CENPP: variants seen among roughly 807,000 people sequenced by gnomAD.
CENPP encodes the protein centromere protein P.
A neutral mutation model predicts 35.6 loss-of-function variants in CENPP; 24 were observed. The ratio of observed to expected loss-of-function variants is 0.67; its 90% CI spans 0.49 to 0.95. CENPP has a LOEUF of 0.95. Ranked by LOEUF, CENPP falls within the 40% of genes least tolerant of loss-of-function variation. The pLI is 0.00. For synonymous variants in CENPP, 120 were observed against 125.5 expected, an observed-to-expected ratio of 0.96 and a Z score of 0.29; for missense variants, 332 against 345.3, an observed-to-expected ratio of 0.96 and a Z score of 0.31.
Position 92,593,612 on chromosome 9 carries a change from G to GT in CENPP, c.565-17698dup, listed in dbSNP as rs1439032442. On this transcript the variant is annotated intron_variant, in intron 5 of 7. Transcript: ENST00000375587. The surrounding 1 kb of genome is among the most constrained non-coding windows in gnomAD (Gnocchi z 4.1). ...GCTACTCTTCTGTTATCTGTTTTGA[G>GT]TTTTAAGTCAAGCCCATAATAAGCT... Among the ~76,000 whole-genome samples, 1 of 152,192 alleles carries GT rather than the reference G, an allele frequency of 6.6e-6. No homozygotes were observed. The highest frequency in any genetic ancestry group is 2.4e-5 in the African/African-American group (1 of 41,444).
In CENPP at chr9:92,510,982, C is replaced by T. The variant is rs1209156185; in HGVS notation, c.565-100332C>T. On this transcript the variant is annotated intron_variant, in intron 5 of 7. Transcript: ENST00000375587. ...AAGAGTGGGTGGAAGACCCAGAAGACTGCCCAAGGGAGTAACAGTTTCACT... is the reference window on the plus strand; with the variant it reads ...AAGAGTGGGTGGAAGACCCAGAAGATTGCCCAAGGGAGTAACAGTTTCACT... Among the ~76,000 whole-genome samples, 4 of 152,218 alleles carry T rather than the reference C, an allele frequency of 2.6e-5. No individual in the cohort carries two copies. In the East Asian group the frequency reaches 7.7e-4, roughly 29 times the overall value.
At chr9:92,552,216 C>CACA (rs1554686431) in intron 5 of CENPP, among the ~76,000 whole-genome samples, 103 of 146,716 alleles carry the variant, frequency 7.0e-4, no homozygotes, top group African/African-American at 1.3e-3. Context: ...CACACACACA[C>CACA]CCCACAGTTT....
chr9:92,525,673 C>T (rs1469953637), intron 5 of CENPP, among the ~76,000 whole-genome samples: 3 of 152,030 alleles, frequency 2.0e-5, no homozygotes, highest in Non-Finnish European at 2.9e-5. Flanking sequence ...GGTGGATCAC[C>T]TGAGGTCAGG....
In CENPP at chr9:92,558,976, C is replaced by T. The variant is rs894728469; in HGVS notation, c.565-52338C>T. ...CAAACTGCAAACTGAAGGGCAGTTC[C>T]CCCGCCACCCAACAGCCCCAAGTCT... On this transcript the variant is annotated intron_variant, in intron 5 of 7. Transcript: ENST00000375587. Among the ~76,000 whole-genome samples the T allele has an allele frequency of 1.3e-4, 20 of 152,162 alleles. No individual in the cohort carries two copies. In the East Asian group the frequency reaches 3.7e-3, roughly 28 times the overall value.
intron 5 of CENPP, chr9:92,384,370 C>T (rs1446791011): frequency 6.6e-6 from 1 of 152,056 alleles, no homozygotes; most frequent in Non-Finnish European, 1.5e-5. Flanking sequence ...AACTTGATTT[C>T]AATACATACT....
At chr9:92,390,988 G>C in intron 5 of CENPP, among the ~76,000 whole-genome samples, 1 of 152,172 alleles carries the variant, frequency 6.6e-6, no homozygotes, top group Non-Finnish European at 1.5e-5. Context: ...AATCAGGCCA[G>C]GTGTGGTGGC....
Position 92,422,506 on chromosome 9 carries a change from G to A in CENPP, c.564+42647G>A, listed in dbSNP as rs10992332. 6.2e-4 allele frequency among the ~76,000 whole-genome samples: 95 copies of A among 152,314 alleles called. 1 individual carries two copies. The highest frequency in any genetic ancestry group is 2.3e-3 in the East Asian group (12 of 5,188). ...CCTTGAATCAAGACATGACTGGGGCGTCTCTGAAAATAAAGAGGTTTTTAA... is the reference window on the plus strand; with the variant it reads ...CCTTGAATCAAGACATGACTGGGGCATCTCTGAAAATAAAGAGGTTTTTAA... On this transcript the variant is annotated intron_variant, in intron 5 of 7. Coordinates refer to ENST00000375587, the MANE Select transcript of CENPP (RefSeq NM_001012267.3).
chr9:92,348,118 T>A lies in CENPP; in HGVS notation c.467+2331T>A, dbSNP rs763275518. Among the ~76,000 whole-genome samples the A allele has an allele frequency of 2.7e-3, 404 of 149,866 alleles. 1 individual carries two copies. The highest frequency in any genetic ancestry group is 4.6e-3 in the Non-Finnish European group (310 of 67,396). The stretch of plus-strand genomic sequence containing the variant: ...TTTCTTTCTTTCTTTCTTTCTTTTT[T>A]TTTTTTTTTTGTGCATTTTTGGTAG... On this transcript the variant is annotated intron_variant, in intron 4 of 7. Coordinates refer to ENST00000375587, the MANE Select transcript of CENPP (RefSeq NM_001012267.3).
chr9:92,479,331 C>T (rs560066381), intron 5 of CENPP, among the ~76,000 whole-genome samples: 23 of 152,112 alleles, frequency 1.5e-4, no homozygotes, highest in African/African-American at 4.8e-4. Flanking sequence ...ATCAAAACTG[C>T]GGTAAAATTA....
At chr9:92,557,534 C>T (rs1453883158) in intron 5 of CENPP, among the ~76,000 whole-genome samples, 1 of 152,172 alleles carries the variant, frequency 6.6e-6, no homozygotes, top group Non-Finnish European at 1.5e-5. Context: ...TCTTTTTTCT[C>T]TGTCTTTGTT....
chr9:92,546,852 T>G (rs555062612), intron 5 of CENPP, among the ~76,000 whole-genome samples: 4 of 152,298 alleles, frequency 2.6e-5, no homozygotes, highest in African/African-American at 9.6e-5. Context: ...TGTCTATAAC[T>G]ATTGAGGATA....
chr9:92,490,192 GT>G (rs1846144279), intron 5 of CENPP, among the ~76,000 whole-genome samples: 2 of 152,152 alleles, frequency 1.3e-5, no homozygotes, highest in African/African-American at 4.8e-5. Context: ...GGCAGATGTT[GT>G]TTCCTGATTT....
At position 92,619,506 on chromosome 9, in the gene CENPP, A is replaced by G; in HGVS notation, c.*6357A>G. 2 of 1,592,300 alleles carry G rather than the reference A, an allele frequency of 1.3e-6. No homozygotes were observed. The highest frequency in any genetic ancestry group is 4.5e-5 in the East Asian group (2 of 44,292). On this transcript the variant is annotated 3_prime_UTR_variant, in exon 8 of 8. Transcript: ENST00000375587. ...CTCACCTGGCATCCTGCAGACAGGGAGACAGTGCAATCATGATGGAGCAGT... is the reference window on the plus strand; with the variant it reads ...CTCACCTGGCATCCTGCAGACAGGGGGACAGTGCAATCATGATGGAGCAGT...
intron 5 of CENPP, among the ~76,000 whole-genome samples, chr9:92,411,713 A>C (rs1364695041): frequency 6.6e-6 from 1 of 152,194 alleles, no homozygotes; most frequent in Non-Finnish European, 1.5e-5. Flanking sequence ...AGAGCTCTGA[A>C]AAAGGAAGGG....
At chr9:92,453,923 C>T (rs1158219690) in intron 5 of CENPP, among the ~76,000 whole-genome samples, 2 of 151,474 alleles carry the variant, frequency 1.3e-5, no homozygotes, top group African/African-American at 4.9e-5. Context: ...AGTTTGAGAC[C>T]AGCCTGGACA....
intron 5 of CENPP, among the ~76,000 whole-genome samples, chr9:92,405,557 G>A (rs772078540): frequency 1.3e-5 from 2 of 152,234 alleles, no homozygotes; most frequent in African/African-American, 4.8e-5. Flanking sequence ...GGCTTGAGTT[G>A]ATATAAATTG....
intron 5 of CENPP, chr9:92,415,143 A>G (rs777070283): frequency 1.3e-6 from 2 of 1,592,312 alleles, no homozygotes; most frequent in Admixed American, 1.8e-5. Context: ...ATACCTATAT[A>G]GTTTCTTGCT....
intron 5 of CENPP, among the ~76,000 whole-genome samples, chr9:92,533,303 C>CAAAAAAAAAAAAAA (rs1174584000): frequency 3.3e-5 from 1 of 29,882 alleles, no homozygotes; most frequent in Non-Finnish European, 5.6e-5. Flanking sequence ...CGGTCTCAAA[C>CAAAAAAAAAAAAAA]AAAAAAAAAA....
chr9:92,372,041 TAAAA>T (rs1167832452), intron 4 of CENPP, among the ~76,000 whole-genome samples: 3 of 52,242 alleles, frequency 5.7e-5, no homozygotes, highest in Non-Finnish European at 1.0e-4. Flanking sequence ...AGACTCCATC[TAAAA>T]AAAAAAAAAA....
Sources: allele counts gnomAD v4.1 joint callset (sites outside exome capture counted in the v4.1 genomes callset), GRCh38; gene constraint gnomAD v4.1.1; non-coding constraint Gnocchi (gnomAD v3.1); transcripts MANE v1.5; gene names NCBI Gene and HGNC (gene_info 2026-07-23, HGNC 2026-07-21).